The following RERE variants were observed in gnomAD, a reference collection of about 807,000 sequenced individuals.
RERE encodes arginine-glutamic acid dipeptide repeats protein.
RERE carries 40 observed loss-of-function variants against 146.1 expected under a neutral mutation model. The ratio of observed to expected loss-of-function variants is 0.27; its 90% confidence interval spans 0.21 to 0.36. The LOEUF (loss-of-function observed/expected upper bound fraction) is 0.36, where lower values mean the gene tolerates loss of function less well. Among genes scored for constraint, RERE ranks in the 10% least tolerant of loss-of-function variants. RERE has a pLI of 1.00. For synonymous variants in RERE, 1,003 were observed against 866.0 expected, an observed-to-expected ratio of 1.16 and a Z score of -2.78; for missense variants, 1,933 against 2,138.7, an observed-to-expected ratio of 0.90 and a Z score of 1.90.
intron 10 of RERE, among the ~76,000 whole-genome samples, chr1:8,479,228 A>T (rs556514785): frequency 1.3e-5 from 2 of 152,206 alleles, no homozygotes; most frequent in Admixed American, 6.5e-5. Flanking sequence ...CTACAAAAAA[A>T]TTTTTTTAAA....
chr1:8,418,518 G>C (rs533733306), intron 12 of RERE, among the ~76,000 whole-genome samples: 2 of 152,236 alleles, frequency 1.3e-5, no homozygotes, highest in South Asian at 4.1e-4. Flanking sequence ...CCTGGACTAC[G>C]ACCCAGTGCC....
chr1:8,572,309 G>A (rs1271183144), intron 4 of RERE, among the ~76,000 whole-genome samples: 1 of 152,170 alleles, frequency 6.6e-6, no homozygotes, highest in Non-Finnish European at 1.5e-5. Flanking sequence ...GGGTGCCAGT[G>A]TTGCCAGAAA....
chr1:8,359,672 G>A, intron 19 of RERE, 92 bp downstream of exon 19: 4 of 1,394,704 alleles, frequency 2.9e-6, no homozygotes, highest in Non-Finnish European at 4.0e-6. Flanking sequence ...GCCGAGTCAG[G>A]CAGCCAAGGG....
chr1:8,485,161 AGACCAGCCT>A (rs1472761261), intron 10 of RERE, among the ~76,000 whole-genome samples: 11 of 152,282 alleles, frequency 7.2e-5, no homozygotes, highest in Non-Finnish European at 1.5e-4. Context: ...AGGGAGTTCA[AGACCAGCCT>A]GACCAATATG....
At chr1:8,430,118 T>C (rs1467394598) in intron 11 of RERE, 1 of 152,272 alleles carries the variant, frequency 6.6e-6, no homozygotes, top group Non-Finnish European at 1.5e-5. Context: ...ATCCTGTTGG[T>C]TGCAGATCCC....
intron 1 of RERE, among the ~76,000 whole-genome samples, chr1:8,759,401 A>C (rs967011674): frequency 6.6e-6 from 1 of 152,262 alleles, no homozygotes; most frequent in African/African-American, 2.4e-5. Flanking sequence ...AAGTGAAACA[A>C]GCCAGTGCAC....
At chr1:8,372,343 A>G (rs1057007816) in intron 12 of RERE, among the ~76,000 whole-genome samples, 3 of 152,148 alleles carry the variant, frequency 2.0e-5, no homozygotes, top group Non-Finnish European at 2.9e-5. Flanking sequence ...GGTACACCCA[A>G]GATTGAGTCC....
At chr1:8,742,093 A>G (rs1422156042) in intron 1 of RERE, among the ~76,000 whole-genome samples, 2 of 152,236 alleles carry the variant, frequency 1.3e-5, no homozygotes, top group East Asian at 1.9e-4. Context: ...TAGTATGTAT[A>G]TATCAAAGGA....
intron 21 of RERE, 109 bp from the exon 22 acceptor site, chr1:8,355,708 G>T: frequency 2.1e-6 from 2 of 941,494 alleles, no homozygotes; most frequent in Non-Finnish European, 3.1e-6. Flanking sequence ...GTGCCAGTTC[G>T]GACACAGGAG....
intron 2 of RERE, among the ~76,000 whole-genome samples, chr1:8,627,115 G>T (rs187047226): frequency 6.6e-6 from 1 of 152,176 alleles, no homozygotes; most frequent in Admixed American, 6.5e-5. Flanking sequence ...TTAGTTATCA[G>T]TTCCATATGG....
At chr1:8,558,329 G>T (rs1225344366) in intron 4 of RERE, among the ~76,000 whole-genome samples, 1 of 152,116 alleles carries the variant, frequency 6.6e-6, no homozygotes, top group South Asian at 2.1e-4. Flanking sequence ...AAGTTATGGG[G>T]CTGCAGCTTG....
chr1:8,607,528 A>ATTTTTTTTT (rs1557431314), intron 4 of RERE, among the ~76,000 whole-genome samples: 1 of 77,016 alleles, frequency 1.3e-5, no homozygotes, highest in East Asian at 7.4e-4. Flanking sequence ...GTTTTTATAT[A>ATTTTTTTTT]TATTTCTTTT....
Position 8,359,808 on chromosome 1 carries a change from G to GCTCCTT in RERE, c.3568_3573dup (p.Lys1190_Glu1191dup), listed in dbSNP as rs147985313. Reference sequence around the variant, plus strand: ...CGCTCCCGCTCTCGCTCCCGCTCCCGCTCCTTCTCCTTCTCCTTCTCCCGC... The same window carrying GCTCCTT: ...CGCTCCCGCTCTCGCTCCCGCTCCCGCTCCTTCTCCTTCTCCTTCTCCTTCTCCCGC... On this transcript the variant is annotated inframe_insertion, in exon 19 of 23. Transcript: ENST00000400908. 4,304 of 1,604,560 alleles carry GCTCCTT rather than the reference G, an allele frequency of 2.7e-3. 77 individuals carry two copies. The African/African-American group carries it at 0.043, about 16-fold the overall frequency.
At chr1:8,657,846 A>AGAAAAGAAAATGTATTGT (rs1553128855) in intron 1 of RERE, among the ~76,000 whole-genome samples, 1 of 152,240 alleles carries the variant, frequency 6.6e-6, no homozygotes, top group Non-Finnish European at 1.5e-5. Context: ...ATCTCAATAA[A>AGAAAAGAAAATGTATTGT]GAAAAGAAAA....
chr1:8,672,100 G>A (rs980165383), intron 1 of RERE, among the ~76,000 whole-genome samples: 1 of 152,000 alleles, frequency 6.6e-6, no homozygotes, highest in Non-Finnish European at 1.5e-5. Flanking sequence ...AACATAGCAA[G>A]CTCCCATATC....
chr1:8,440,136 C>T (rs887626960), intron 11 of RERE, among the ~76,000 whole-genome samples: 2 of 152,296 alleles, frequency 1.3e-5, no homozygotes, highest in African/African-American at 2.4e-5. Flanking sequence ...GTGCCCAACA[C>T]CAACTCTATG....
intron 7 of RERE, among the ~76,000 whole-genome samples, chr1:8,515,264 A>G (rs1332662912): frequency 1.3e-5 from 2 of 152,102 alleles, no homozygotes; most frequent in Non-Finnish European, 2.9e-5. Flanking sequence ...CAGGAGGCTG[A>G]GCCAGGAGAA....
chr1:8,445,110 TA>T (rs1644301041), intron 11 of RERE, among the ~76,000 whole-genome samples: 1 of 152,216 alleles, frequency 6.6e-6, no homozygotes, highest in South Asian at 2.1e-4. Flanking sequence ...AAAATTCTTT[TA>T]GGGGCTTCAT....
At chr1:8,612,284 T>C (rs887502479) in intron 4 of RERE, among the ~76,000 whole-genome samples, 4 of 152,230 alleles carry the variant, frequency 2.6e-5, no homozygotes, top group African/African-American at 9.6e-5. Context: ...CTGTATTAGA[T>C]CTGTGTGCCT....
Sources: allele counts gnomAD v4.1 joint callset (sites outside exome capture counted in the v4.1 genomes callset), GRCh38; gene constraint gnomAD v4.1.1; transcripts MANE v1.5; gene names NCBI Gene and HGNC (gene_info 2026-07-23, HGNC 2026-07-21).